The following HIVEP3 variants were observed in gnomAD, a reference collection of about 807,000 sequenced individuals.
HIVEP3 encodes the protein transcription factor HIVEP3.
In HIVEP3, 49 loss-of-function variants were observed where a neutral mutation model predicts 152.8. The observed-to-expected ratio is 0.32, with a 90% CI of 0.26 to 0.41. The LOEUF is 0.41. Among genes scored for constraint, HIVEP3 ranks in the 10% least tolerant of loss-of-function variants. HIVEP3 has a pLI of 1.00. For synonymous variants in HIVEP3, 1,269 were observed against 1,289.0 expected (o/e 0.98, Z 0.33); for missense variants, 2,790 against 3,103.3 (o/e 0.90, Z 2.40).
chr1:41,620,035 T>G (rs2149140507), intron 3 of HIVEP3, among the ~76,000 whole-genome samples: 1 of 152,252 alleles, frequency 6.6e-6, no homozygotes, highest in East Asian at 1.9e-4. Context: ...TGAGTTCCTT[T>G]GAATATCTGT....
intron 1 of HIVEP3, among the ~76,000 whole-genome samples, chr1:41,713,947 C>T (rs1005431306): frequency 1.3e-5 from 2 of 152,216 alleles, no homozygotes; most frequent in African/African-American, 4.8e-5. Context: ...GGGCCACAGG[C>T]TGTCAGCTCC....
intron 1 of HIVEP3, among the ~76,000 whole-genome samples, chr1:41,882,292 C>T (rs564057565): frequency 5.3e-5 from 8 of 152,242 alleles, no homozygotes; most frequent in South Asian, 4.1e-4. Context: ...GGAAAAGGAT[C>T]GTAAAGACTG....
At chr1:41,587,939 A>T (rs572559126) in intron 3 of HIVEP3, among the ~76,000 whole-genome samples, 2 of 152,228 alleles carry the variant, frequency 1.3e-5, no homozygotes, top group East Asian at 1.9e-4. Context: ...GGCAAGAGGG[A>T]GTAAGGAATT....
intron 5 of HIVEP3, among the ~76,000 whole-genome samples, chr1:41,552,653 T>C: frequency 6.6e-6 from 1 of 151,050 alleles, no homozygotes; most frequent in Non-Finnish European, 1.5e-5. Context: ...GTCTTTGCTA[T>C]TGTGAATAAT....
At chr1:41,864,002 T>G (rs1353097951) in intron 1 of HIVEP3, among the ~76,000 whole-genome samples, 1 of 152,198 alleles carries the variant, frequency 6.6e-6, no homozygotes, top group Non-Finnish European at 1.5e-5. Context: ...TCATCCATCC[T>G]GGAATCAGAC....
At chr1:41,901,261 C>T (rs557891652) in intron 1 of HIVEP3, among the ~76,000 whole-genome samples, 1 of 151,970 alleles carries the variant, frequency 6.6e-6, no homozygotes, top group East Asian at 1.9e-4. Context: ...GTGGGTTGGT[C>T]ATGCATGTGG....
intron 1 of HIVEP3, among the ~76,000 whole-genome samples, chr1:41,703,908 G>T (rs561740092): frequency 6.6e-6 from 1 of 152,136 alleles, no homozygotes; most frequent in African/African-American, 2.4e-5. Flanking sequence ...GGATTCAAAG[G>T]CCTGTCCACC....
Position 41,511,011 on chromosome 1 carries a change from A to G in HIVEP3, c.6661T>C (p.Trp2221Arg). Residue 2221 changes from tryptophan to arginine, a missense_variant, in exon 9 of 9, where the codon TGG becomes CGG. Physicochemically the swap from Trp to Arg is moderately radical, Grantham distance 101. Around this residue, in one of 9 missense-constraint regions of HIVEP3, gnomAD observed 816 missense variants for 806.5 expected, o/e 1.01. Coordinates refer to ENST00000372583, the MANE Select transcript of HIVEP3 (RefSeq NM_024503.5). This position sits in a 1 kb window ranked among gnomAD's most constrained non-coding sequence, Gnocchi z 4.9. ...PTLLPGPTAA[W>R]VSGFSGGGSD... ...CCACCCCCGGAGAAGCCACTGACCCAGGCTGCGGTGGGCCCTGGCAGCAGG... is the reference window on the plus strand; with the variant it reads ...CCACCCCCGGAGAAGCCACTGACCCGGGCTGCGGTGGGCCCTGGCAGCAGG... 6.2e-7 allele frequency: 1 copy of G among 1,613,472 alleles called. No individual in the cohort carries two copies.
In HIVEP3 at chr1:41,926,611, G is replaced by C. The variant is rs1644969421; in HGVS notation, n.120-8087C>G. 2.0e-5 allele frequency among the ~76,000 whole-genome samples: 3 copies of C among 152,148 alleles called. No individual in the cohort carries two copies. In the South Asian group the frequency reaches 6.2e-4, roughly 32 times the overall value. ...AGTAGAAGGAGGAAAGGAAGGAGAT[G>C]AGCAGTTATGGAGAGCTTACTATGT... is the stretch of plus-strand genomic sequence containing the variant. On this transcript the variant is annotated intron_variant and non_coding_transcript_variant, in intron 1 of 3. Transcript: ENST00000489103.
rs201575508 is a variant in HIVEP3 at position 41,838,883 on chromosome 1, A to C, written c.-801+79530T>G. ...TGCGAAACAACAATAGCAACTAATC[A>C]AAACACCATTTCCTGATGGGATTAA... On this transcript the variant is annotated intron_variant, in intron 1 of 8. Coordinates refer to ENST00000372583, the MANE Select transcript of HIVEP3 (RefSeq NM_024503.5). Among the ~76,000 whole-genome samples, 19 of 152,328 alleles carry C rather than the reference A, an allele frequency of 1.2e-4. No homozygotes were observed. The East Asian group carries it at 3.7e-3, about 29-fold the overall frequency.
chr1:41,565,345 C>A (rs952665507), intron 5 of HIVEP3, among the ~76,000 whole-genome samples: 1 of 146,516 alleles, frequency 6.8e-6, no homozygotes, highest in Admixed American at 6.8e-5. Context: ...CAAACCAAGA[C>A]AATCTGCCAA....
At chr1:41,953,508 T>C (rs1645121983) in intron 1 of HIVEP3, among the ~76,000 whole-genome samples, 1 of 152,218 alleles carries the variant, frequency 6.6e-6, no homozygotes, top group Admixed American at 6.5e-5. Flanking sequence ...ATGTTACTTC[T>C]TGTAATTGTC....
chr1:41,587,489 C>CA (rs1193110654), intron 3 of HIVEP3, among the ~76,000 whole-genome samples: 1 of 152,188 alleles, frequency 6.6e-6, no homozygotes, highest in Non-Finnish European at 1.5e-5. Flanking sequence ...CGAGGAACAA[C>CA]AGGAATAAAC....
chr1:41,653,691 G>A (rs1421199606), intron 2 of HIVEP3, among the ~76,000 whole-genome samples: 4 of 152,166 alleles, frequency 2.6e-5, no homozygotes, highest in African/African-American at 9.7e-5. Context: ...GACACCAAAT[G>A]TTCGCATGCC....
In HIVEP3 at chr1:41,583,869, C is replaced by T; in HGVS notation, c.929G>A (p.Gly310Glu). 6.2e-7 allele frequency: 1 copy of T among 1,613,396 alleles called. No homozygotes were observed. The highest frequency in any genetic ancestry group is 2.2e-5 in the East Asian group (1 of 44,866). Residue 310 changes from glycine (G) to glutamate (E), a missense_variant, in exon 4 of 9, where the codon GGG becomes GAG. Gly to Glu is a moderately conservative substitution (Grantham distance 98). Coordinates refer to ENST00000372583, the MANE Select transcript of HIVEP3 (RefSeq NM_024503.5). The surrounding 1 kb of genome is among the most constrained non-coding windows in gnomAD (Gnocchi z 6.9). ...PRPKQPLLSSGLYSSGSHSSS... is the reference protein window; with the variant it reads ...PRPKQPLLSSELYSSGSHSSS... ...ACTGTGGCTCCCAGAGCTGTATAGC[C>T]CGCTGGAGAGAAGGGGCTGCTTGGG...
chr1:41,682,333 G>A (rs1646052027), intron 2 of HIVEP3, among the ~76,000 whole-genome samples: 1 of 152,142 alleles, frequency 6.6e-6, no homozygotes, highest in Non-Finnish European at 1.5e-5. Context: ...TTATGGCATT[G>A]CTGTGGATGT....
intron 6 of HIVEP3, among the ~76,000 whole-genome samples, chr1:41,518,818 T>TTC (rs1374024585): frequency 1.7e-5 from 1 of 57,152 alleles, no homozygotes; most frequent in Non-Finnish European, 5.1e-5. Context: ...GTGCAATAGG[T>TTC]TTTTTTTTTT....
chr1:41,821,649 T>C (rs1642606634), intron 1 of HIVEP3, among the ~76,000 whole-genome samples: 1 of 152,226 alleles, frequency 6.6e-6, no homozygotes, highest in South Asian at 2.1e-4. Flanking sequence ...GATCCCTTTT[T>C]ACATATTGGA....
chr1:42,031,686 A>G (rs569819889), intron 1 of HIVEP3, among the ~76,000 whole-genome samples: 3 of 152,364 alleles, frequency 2.0e-5, no homozygotes, highest in African/African-American at 7.2e-5. Flanking sequence ...TATTGAAAAT[A>G]CAAGAACAAT....
Sources: gnomAD v4.1 joint callset for allele counts (sites outside exome capture counted in the v4.1 genomes callset) on GRCh38, gnomAD v4.1.1 for gene constraint, gnomAD v4.1.1 regional missense constraint, Gnocchi (gnomAD v3.1) non-coding constraint, MANE v1.5 for transcripts, NCBI Gene and HGNC (gene_info 2026-07-23, HGNC 2026-07-21) for gene names.